Variants in SGCD observed in about 807,000 individuals in gnomAD.
The protein encoded by SGCD is delta-sarcoglycan.
A neutral mutation model predicts 36.6 loss-of-function variants in SGCD; 18 were observed. The ratio of observed to expected loss-of-function variants is 0.49; its 90% confidence interval spans 0.34 to 0.73. SGCD has a LOEUF of 0.73. Ranked by LOEUF, SGCD falls within the 30% of genes least tolerant of loss-of-function variation. The pLI is 0.01. For missense variants in SGCD, 387 were observed against 346.7 expected, an observed-to-expected ratio of 1.12 and a Z score of -0.92; for synonymous variants, 133 against 130.6, an observed-to-expected ratio of 1.02 and a Z score of -0.12.
At position 156,040,153 on chromosome 5, in the gene SGCD, G is replaced by A. The variant is rs186025780; in HGVS notation, c.-281-77725G>A. Among the ~76,000 whole-genome samples, 95 of 152,244 alleles carry A rather than the reference G, an allele frequency of 6.2e-4. 1 individual carries two copies. Among genetic ancestry groups the A allele is most frequent in the African/African-American group, 2.2e-3 (92 of 41,556 alleles). ...GCGCTGTATAAATATAATCATTATCGTCATCACCATCATCATTGGTGCTTC... is the reference window on the plus strand; with the variant it reads ...GCGCTGTATAAATATAATCATTATCATCATCACCATCATCATTGGTGCTTC... On this transcript the variant is annotated intron_variant, in intron 1 of 9. Transcript: ENST00000517913.
At chr5:156,085,167 G>C (rs1269450047) in intron 1 of SGCD, among the ~76,000 whole-genome samples, 1 of 146,674 alleles carries the variant, frequency 6.8e-6, no homozygotes, top group African/African-American at 2.5e-5. Flanking sequence ...CATTCTTTTT[G>C]TTGTTGTTGT....
chr5:155,917,531 T>C (rs1356375508), intron 1 of SGCD, among the ~76,000 whole-genome samples: 5 of 152,178 alleles, frequency 3.3e-5, no homozygotes, highest in Admixed American at 1.3e-4. Context: ...ATGTTTTCAA[T>C]GGAAATAAAA....
At chr5:155,742,622 A>G in the SGCD span, among the ~76,000 whole-genome samples, 81,132 of 152,010 alleles carry the variant, frequency 0.53, 21,886 homozygotes, top group East Asian at 0.68. Context: ...GATTACCTTC[A>G]GTCACCAAAA....
intron 3 of SGCD, among the ~76,000 whole-genome samples, chr5:156,135,408 C>CTA (rs1561534153): frequency 6.6e-6 from 1 of 152,170 alleles, no homozygotes; most frequent in Non-Finnish European, 1.5e-5. Context: ...ATATAAGACA[C>CTA]CTGGTACATG....
chr5:156,175,546 A>C (rs1488843672), intron 3 of SGCD, among the ~76,000 whole-genome samples: 1 of 152,228 alleles, frequency 6.6e-6, no homozygotes, highest in Non-Finnish European at 1.5e-5. Flanking sequence ...TCTTGCAAAG[A>C]ATATTATGCA....
chr5:155,924,087 T>G, intron 1 of SGCD, among the ~76,000 whole-genome samples: 1 of 152,198 alleles, frequency 6.6e-6, no homozygotes, highest in East Asian at 1.9e-4. Flanking sequence ...TACTTCAACT[T>G]TTATTCCATG....
the SGCD span, among the ~76,000 whole-genome samples, chr5:155,796,428 A>G: frequency 6.6e-6 from 1 of 152,148 alleles, no homozygotes; most frequent in African/African-American, 2.4e-5. Context: ...AGTTATCAAA[A>G]CTTGTGGGAT....
chr5:156,118,892 A>T (rs1166458774), intron 2 of SGCD, among the ~76,000 whole-genome samples: 1 of 152,196 alleles, frequency 6.6e-6, no homozygotes, highest in Non-Finnish European at 1.5e-5. Flanking sequence ...GAAGGTCTTT[A>T]ATACTTAGCC....
At chr5:156,152,339 A>G (rs1177363608) in intron 3 of SGCD, among the ~76,000 whole-genome samples, 1 of 151,594 alleles carries the variant, frequency 6.6e-6, no homozygotes, top group Non-Finnish European at 1.5e-5. Flanking sequence ...AGAGTGAAAT[A>G]AAGAGGAGGT....
chr5:156,181,581 C>T (rs779115299), intron 3 of SGCD, among the ~76,000 whole-genome samples: 19 of 152,158 alleles, frequency 1.2e-4, no homozygotes, highest in African/African-American at 2.2e-4. Context: ...CTTTTTATAG[C>T]GATGTACAGT....
At chr5:156,491,981 G>T (rs191797106) in intron 3 of SGCD, among the ~76,000 whole-genome samples, 4 of 152,080 alleles carry the variant, frequency 2.6e-5, no homozygotes, top group Admixed American at 2.6e-4. Flanking sequence ...GGGTTTCCCT[G>T]TCATCAGAAG....
At chr5:155,813,730 T>C in the SGCD span, among the ~76,000 whole-genome samples, 1 of 152,180 alleles carries the variant, frequency 6.6e-6, no homozygotes, top group Non-Finnish European at 1.5e-5. Context: ...GCTAGACTTT[T>C]CCTTTGATTA....
intron 1 of SGCD, among the ~76,000 whole-genome samples, chr5:155,941,759 T>A (rs552375014): frequency 3.3e-5 from 5 of 152,268 alleles, no homozygotes; most frequent in Admixed American, 2.0e-4. Context: ...TCATTACCTA[T>A]ATTATCTCAT....
intron 1 of SGCD, among the ~76,000 whole-genome samples, chr5:155,926,821 C>T (rs1757005605): frequency 6.6e-6 from 1 of 152,056 alleles, no homozygotes; most frequent in Admixed American, 6.6e-5. Context: ...AATAAAATTT[C>T]AAATTAAAAC....
intron 3 of SGCD, among the ~76,000 whole-genome samples, chr5:156,171,919 G>A (rs1161262225): frequency 1.3e-5 from 2 of 152,030 alleles, no homozygotes; most frequent in Non-Finnish European, 2.9e-5. Context: ...AGTAACCCTA[G>A]GGAGTAGGTG....
At chr5:155,869,587 C>T (rs1461195592), upstream of SGCD, among the ~76,000 whole-genome samples, 1 of 152,052 alleles carries the variant, frequency 6.6e-6, no homozygotes, top group Non-Finnish European at 1.5e-5. Context: ...ATAAACCATT[C>T]TGAACCCCAG....
At chr5:156,240,362 T>A (rs1378195709) in intron 3 of SGCD, among the ~76,000 whole-genome samples, 1 of 152,180 alleles carries the variant, frequency 6.6e-6, no homozygotes, top group Non-Finnish European at 1.5e-5. Flanking sequence ...TTAAGCCCTA[T>A]CAGTCTGAAT....
intron 3 of SGCD, among the ~76,000 whole-genome samples, chr5:156,462,735 C>T (rs1754541166): frequency 6.6e-6 from 1 of 152,044 alleles, no homozygotes; most frequent in African/African-American, 2.4e-5. Flanking sequence ...AACAGAAAGG[C>T]TATAATGGTC....
chr5:156,419,796 A>G (rs976320297), intron 3 of SGCD, among the ~76,000 whole-genome samples: 1 of 152,176 alleles, frequency 6.6e-6, no homozygotes. Context: ...ACCTAGGCCT[A>G]TTCCCATGGT....
Sources: gnomAD v4.1 joint callset for allele counts (sites outside exome capture counted in the v4.1 genomes callset) on GRCh38, gnomAD v4.1.1 for gene constraint, MANE v1.5 for transcripts, NCBI Gene and HGNC (gene_info 2026-07-23, HGNC 2026-07-21) for gene names.